ABCB6: variants seen among roughly 807,000 people sequenced by gnomAD.
The protein encoded by ABCB6 is ATP binding cassette subfamily B member 6 (LAN blood group), also known as ATP-binding cassette sub-family B member 6.
A neutral mutation model predicts 99.4 loss-of-function variants in ABCB6; 87 were observed. That is an observed-to-expected ratio of 0.88 (90% CI 0.74 to 1.05). The LOEUF is 1.05. Among genes scored for constraint, ABCB6 ranks in the 50% least tolerant of loss-of-function variants. The probability of loss-of-function intolerance (pLI) is 0.00; values close to 1 mark genes in which losing one functional copy is unlikely to be tolerated. For synonymous variants in ABCB6, 482 were observed against 447.5 expected, an observed-to-expected ratio of 1.08 and a Z score of -0.97; for missense variants, 1,050 against 1,097.9, an observed-to-expected ratio of 0.96 and a Z score of 0.62.
chr2:219,209,836 C>G lies in ABCB6; in HGVS notation c.*102G>C. On this transcript the variant is annotated 3_prime_UTR_variant, in exon 19 of 19. Transcript: ENST00000265316. ...GAAAGGTCCCTTTCCCTTACCATAG[C>G]TAGCACCATACCCCAAGACCAGGAT... 15 of 922,454 alleles carry G rather than the reference C, an allele frequency of 1.6e-5. No homozygotes were observed. In the South Asian group the frequency reaches 1.8e-4, roughly 11 times the overall value. The allele number at this position is 922,454 out of a possible 1,614,324, so 57.1% of individuals were successfully genotyped here.
At position 219,216,104 on chromosome 2, in the gene ABCB6, G is replaced by C. The variant is rs763447942; in HGVS notation, c.1047C>G (p.Ile349Met). 2.5e-6 allele frequency: 4 copies of C among 1,583,390 alleles called. No homozygotes were observed. The highest frequency in any genetic ancestry group is 3.4e-6 in the Non-Finnish European group (4 of 1,165,262). The part of the protein sequence containing the change: ...QFTSRRVELL[I>M]FSHLHELSLR... The stretch of plus-strand genomic sequence containing the variant: ...GTGAGAGCTCGTGCAGGTGGGAGAA[G>C]ATGAGCAGCTCCACCCGCCGAGACG... Residue 349 changes from isoleucine (I) to methionine (M), a missense_variant, in exon 5 of 19, where the codon ATC (isoleucine) becomes ATG (methionine). Physicochemically the swap from Ile to Met is conservative, Grantham distance 10 (BLOSUM62 1). Transcript: ENST00000265316. This position sits in a 1 kb window ranked among gnomAD's most constrained non-coding sequence, Gnocchi z 4.2.
intron 8 of ABCB6, 44 bp downstream of exon 8, chr2:219,214,077 G>A (rs572277264): frequency 1.2e-6 from 2 of 1,613,064 alleles, no homozygotes; most frequent in South Asian, 2.2e-5. Context: ...AATTCTACCA[G>A]GCCAGGGCAT....
Position 219,212,443 on chromosome 2 carries a change from G to A in ABCB6, c.1912C>T (p.Arg638Cys), listed in dbSNP as rs761968111. 1.8e-4 allele frequency: 295 copies of A among 1,614,044 alleles called. 1 individual carries two copies. The highest frequency in any genetic ancestry group is 3.3e-4 in the South Asian group (30 of 91,088). Residue 638 changes from arginine (R) to cysteine (C), a missense_variant, in exon 14 of 19, where the codon CGC (arginine) becomes TGC (cysteine). Physicochemically the swap from Arg to Cys is radical, Grantham distance 180. Transcript: ENST00000265316. ...CAGCCAGAGCTGATGTCGTAGAAGC[G>A]AAACAGCAGGCGCAAAATTGTGCTC... ...GKSTILRLLF[R>C]FYDISSGCIR...
chr2:219,217,841 G>A (rs766148862), intron 1 of ABCB6, 34 bp from the exon 2 acceptor site: 4 of 1,592,728 alleles, frequency 2.5e-6, no homozygotes, highest in Non-Finnish European at 2.6e-6. Context: ...GAGTATCATT[G>A]AGGATAAAAT....
rs1392780830 is a variant in ABCB6, at chr2:219,210,960, T to C, written c.2117A>G (p.His706Arg). Residue 706 changes from histidine (H) to arginine (R), a missense_variant, in exon 15 of 19, where the codon CAT (histidine) becomes CGT (arginine). Coordinates refer to ENST00000265316, the MANE Select transcript of ABCB6 (RefSeq NM_005689.4). ...VEAAAQAAGIHDAIMAFPEGY... is the reference protein window; with the variant it reads ...VEAAAQAAGIRDAIMAFPEGY... ...TTCAGGGAAAGCCATAATGGCATCA[T>C]GGATGCCTGCAGCCTGAGCAGCAGC... 4 of 1,614,202 alleles carry C rather than the reference T, an allele frequency of 2.5e-6. No homozygotes were observed. The highest frequency in any genetic ancestry group is 1.6e-4 in the Middle Eastern group (1 of 6,062).
intron 6 of ABCB6, 35 bp from the exon 7 acceptor site, chr2:219,214,533 A>T (rs767938769): frequency 6.8e-7 from 1 of 1,460,640 alleles, no homozygotes; most frequent in Non-Finnish European, 9.6e-7. Context: ...AGAATAGGAC[A>T]TCATCCCCAA....
chr2:219,211,053 A>C lies in ABCB6; in HGVS notation c.2024T>G (p.Leu675Arg). Residue 675 changes from leucine to arginine, a missense_variant, in exon 15 of 19, where the codon CTC becomes CGC. Physicochemically the swap from Leu to Arg is moderately radical, Grantham distance 102. Coordinates refer to ENST00000265316, the MANE Select transcript of ABCB6 (RefSeq NM_005689.4). ...ATTGTCGGCGATGGTGTCATTAAAG[A>C]GGACAGTGTCTTGGGGCACAACTCC... The part of the protein sequence containing the change: ...HIGVVPQDTV[L>R]FNDTIADNIR... The C allele has an allele frequency of 1.2e-6, 2 of 1,614,172 alleles. No individual in the cohort carries two copies. The highest frequency in any genetic ancestry group is 1.6e-4 in the Middle Eastern group (1 of 6,062).
At chr2:219,213,690 C>A in intron 9 of ABCB6, 24 bp from the exon 10 acceptor site, 1 of 1,614,010 alleles carries the variant, frequency 6.2e-7, no homozygotes, top group Non-Finnish European at 8.5e-7. Flanking sequence ...GGAAGCAGAG[C>A]ATGTCACGGG....
chr2:219,214,301 C>T (rs930923796), intron 7 of ABCB6, 88 bp downstream of exon 7: 8 of 1,470,986 alleles, frequency 5.4e-6, no homozygotes, highest in Non-Finnish European at 6.7e-6. Context: ...AAACATCACA[C>T]CCCCAGCTCT....
chr2:219,217,854 C>G, intron 1 of ABCB6, 47 bp from the exon 2 acceptor site: 1 of 1,571,014 alleles, frequency 6.4e-7, no homozygotes, highest in South Asian at 1.1e-5. Context: ...GATAAAATTT[C>G]ATTGTATTAC....
intron 11 of ABCB6, 24 bp downstream of exon 11, chr2:219,213,415 C>T: frequency 1.9e-6 from 3 of 1,614,174 alleles, no homozygotes; most frequent in African/African-American, 1.3e-5. Context: ...CCTCCCCAAA[C>T]CCTACTCCTC....
chr2:219,218,561 G>A lies in ABCB6; in HGVS notation c.113C>T (p.Ala38Val). The A allele has an allele frequency of 6.2e-7, 1 of 1,612,500 alleles. No individual in the cohort carries two copies. Among genetic ancestry groups the A allele is most frequent in the Non-Finnish European group, 8.5e-7 (1 of 1,179,652 alleles). ...CAGCACCAAGGCCAGAGTCCCCAGAGCCATCCGCGTCGAGGGCACGAGCGT... is the reference window on the plus strand; with the variant it reads ...CAGCACCAAGGCCAGAGTCCCCAGAACCATCCGCGTCGAGGGCACGAGCGT... ...FFTLVPSTRM[A>V]LGTLALVLAL... Residue 38 changes from alanine to valine, a missense_variant, in exon 1 of 19, where the codon GCT becomes GTT. Ala to Val is a moderately conservative substitution (Grantham distance 64). Coordinates refer to ENST00000265316, the MANE Select transcript of ABCB6 (RefSeq NM_005689.4).
At position 219,218,953 on chromosome 2, in the gene ABCB6, G is replaced by C; in HGVS notation, c.-280C>G. The C allele has an allele frequency of 2.5e-6, 1 of 405,310 alleles. No individual in the cohort carries two copies. The allele number at this position is 405,310 out of a possible 1,614,324, so 25.1% of individuals were successfully genotyped here. A position where few individuals can be genotyped will look rare whatever the true frequency, so the allele number is the denominator to read the frequency against. ...ACCCTCCTGCCAACTGCAGGCCCAC[G>C]GGAATGCTCGGTGTTGGACTCGCAC... On this transcript the variant is annotated 5_prime_UTR_variant, in exon 1 of 19. Transcript: ENST00000265316.
At chr2:219,215,588 ATAAT>A in intron 5 of ABCB6, 1 of 168,296 alleles carries the variant, frequency 5.9e-6, no homozygotes, top group Admixed American at 5.9e-5. Flanking sequence ...AAAAAATCTA[ATAAT>A]TAGCCAGGCA....
chr2:219,213,098 C>T (rs1469767177), intron 12 of ABCB6, 33 bp from the exon 13 acceptor site: 1 of 1,612,100 alleles, frequency 6.2e-7, no homozygotes, highest in Non-Finnish European at 8.5e-7. Flanking sequence ...TCAGCAGGCA[C>T]CTTCCATCAC....
rs754707927 is a variant in ABCB6 at position 219,218,545 on chromosome 2, G to A, written c.129C>T (p.Ala43=). The A allele has an allele frequency of 2.5e-6, 4 of 1,611,988 alleles. No individual in the cohort carries two copies. The highest frequency in any genetic ancestry group is 3.4e-6 in the Non-Finnish European group (4 of 1,179,544). The change falls in exon 1 of 19, where the codon GCC becomes GCT. Residue 43 remains alanine (A), a synonymous_variant. Transcript: ENST00000265316. ...PSTRMALGTL[A]LVLALPCRRR... Reference sequence around the variant, plus strand: ...GTCTGCAGGGAAGAGCCAGCACCAAGGCCAGAGTCCCCAGAGCCATCCGCG... The same window carrying A: ...GTCTGCAGGGAAGAGCCAGCACCAAAGCCAGAGTCCCCAGAGCCATCCGCG...
intron 13 of ABCB6, 136 bp from the exon 14 acceptor site, chr2:219,212,627 A>G: frequency 1.5e-6 from 1 of 685,106 alleles, no homozygotes; most frequent in Non-Finnish European, 2.5e-6. Flanking sequence ...GGTTCAAGCG[A>G]TTCTCTTGCC....
chr2:219,218,889 A>C lies in ABCB6; in HGVS notation c.-216T>G. 2 of 529,690 alleles carry C rather than the reference A, an allele frequency of 3.8e-6. No individual in the cohort carries two copies. Among genetic ancestry groups the C allele is most frequent in the Non-Finnish European group, 6.5e-6 (2 of 308,200 alleles). The allele number at this position is 529,690 out of a possible 1,614,324, so 32.8% of individuals were successfully genotyped here. On this transcript the variant is annotated 5_prime_UTR_variant, in exon 1 of 19. Coordinates refer to ENST00000265316, the MANE Select transcript of ABCB6 (RefSeq NM_005689.4). ...CGCCACGCACTCACGCAGGGCACGT[A>C]CGCCGTCTCAGCACGGCCCCGCTGG...
Position 219,218,955 on chromosome 2 carries a change from G to A in ABCB6, c.-282C>T, listed in dbSNP as rs568856681. 198 of 405,502 alleles carry A rather than the reference G, an allele frequency of 4.9e-4. No individual in the cohort carries two copies. Among genetic ancestry groups the A allele is most frequent in the Non-Finnish European group, 7.6e-4 (172 of 226,288 alleles). 25.1% of individuals were successfully genotyped at this position (405,502 alleles called of 1,614,324 possible). A position where few individuals can be genotyped will look rare whatever the true frequency, so the allele number is the denominator to read the frequency against. ...CCTCCTGCCAACTGCAGGCCCACGG[G>A]AATGCTCGGTGTTGGACTCGCACCG... is the stretch of plus-strand genomic sequence containing the variant. On this transcript the variant is annotated 5_prime_UTR_variant, in exon 1 of 19. Coordinates refer to ENST00000265316, the MANE Select transcript of ABCB6 (RefSeq NM_005689.4).
Sources: gnomAD v4.1 joint callset for allele counts on GRCh38, gnomAD v4.1.1 for gene constraint, Gnocchi (gnomAD v3.1) non-coding constraint, MANE v1.5 for transcripts, NCBI Gene and HGNC (gene_info 2026-07-23, HGNC 2026-07-21) for gene names.